The following ANKRD12 variants were observed in gnomAD, a reference collection of about 807,000 sequenced individuals.
The protein encoded by ANKRD12 is ankyrin repeat domain 12, also known as ankyrin repeat domain-containing protein 12.
ANKRD12 carries 85 observed loss-of-function variants against 183.4 expected under a neutral mutation model. That is an observed-to-expected ratio of 0.46 (90% CI 0.39 to 0.56). The LOEUF (loss-of-function observed/expected upper bound fraction) is 0.56. ANKRD12 is among the 20% of genes least tolerant of loss of function. ANKRD12 has a pLI of 0.00. For synonymous variants in ANKRD12, 914 were observed against 800.2 expected (o/e 1.14, Z -2.40); for missense variants, 2,405 against 2,357.1 (o/e 1.02, Z -0.42).
At chr18:9,275,451 C>G in intron 10 of ANKRD12, 73 bp from the exon 11 acceptor site, 3 of 1,402,546 alleles carry the variant, frequency 2.1e-6, no homozygotes, top group Non-Finnish European at 2.9e-6. Flanking sequence ...CCAGCCTAGG[C>G]GAGAGAGTAA....
intron 7 of ANKRD12, among the ~76,000 whole-genome samples, chr18:9,219,732 T>TA (rs2036308382): frequency 7.1e-6 from 1 of 140,392 alleles, no homozygotes; most frequent in Non-Finnish European, 1.5e-5. Context: ...ACCAGAGCCA[T>TA]ACAACACAGA....
intron 1 of ANKRD12, among the ~76,000 whole-genome samples, chr18:9,143,326 CTTGA>C (rs749428220): frequency 4.6e-5 from 7 of 152,120 alleles, no homozygotes; most frequent in African/African-American, 1.2e-4. Flanking sequence ...GAAATTTTTT[CTTGA>C]TTAAGATCAG....
At chr18:9,271,754 T>A (rs1302383322) in intron 10 of ANKRD12, among the ~76,000 whole-genome samples, 1 of 152,224 alleles carries the variant, frequency 6.6e-6, no homozygotes, top group Non-Finnish European at 1.5e-5. Context: ...TTTCTATGAA[T>A]GACAAAGCTG....
At chr18:9,186,097 G>A (rs141105832) in intron 2 of ANKRD12, among the ~76,000 whole-genome samples, 108 of 150,798 alleles carry the variant, frequency 7.2e-4, no homozygotes, top group Non-Finnish European at 1.0e-3. Context: ...AAGTTGTCAC[G>A]AAATAAGTAG....
At chr18:9,137,257 C>T (rs2078137845) in intron 1 of ANKRD12, among the ~76,000 whole-genome samples, 1 of 147,556 alleles carries the variant, frequency 6.8e-6, no homozygotes, top group Non-Finnish European at 1.5e-5. Flanking sequence ...CGCGAGGAGC[C>T]GCGGCGCAGG....
In ANKRD12 at chr18:9,257,008, A is replaced by T; in HGVS notation, c.3741A>T (p.Ser1247=). The stretch of plus-strand genomic sequence containing the variant: ...AATCCCAAATGTCCTTTTCCCAGTC[A>T]CCTTTTTTGTCAATTGCCAAATCTC... The part of the protein sequence containing the change: ...SSESQMSFSQ[S]PFLSIAKSPA... Residue 1247 remains serine, a synonymous_variant, in exon 9 of 13, where the codon TCA becomes TCT. Transcript: ENST00000262126. 1 of 1,613,928 alleles carries T rather than the reference A, an allele frequency of 6.2e-7. No homozygotes were observed. The highest frequency in any genetic ancestry group is 1.7e-5 in the Admixed American group (1 of 59,998).
intron 8 of ANKRD12, among the ~76,000 whole-genome samples, chr18:9,241,221 A>G (rs1392998071): frequency 1.3e-5 from 2 of 152,174 alleles, no homozygotes; most frequent in Non-Finnish European, 1.5e-5. Context: ...ATGTCCAAAT[A>G]TATATATCAA....
intron 1 of ANKRD12, among the ~76,000 whole-genome samples, chr18:9,175,566 C>CA (rs1175363099): frequency 9.8e-6 from 1 of 101,948 alleles, no homozygotes; most frequent in Admixed American, 1.6e-4. Context: ...CAGTCTCTGT[C>CA]ATGCAGGCTG....
In ANKRD12 at chr18:9,257,165, G is replaced by A. The variant is rs1339495856; in HGVS notation, c.3898G>A (p.Glu1300Lys). ...SVEDVKLIIS[E>K]GRPTIEVRRC... ...AGAAGATGTTAAACTAATTATAAGC[G>A]AGGGGAGACCTACCATAGAAGTTCG... is the stretch of plus-strand genomic sequence containing the variant. Residue 1300 changes from glutamate to lysine, a missense_variant, in exon 9 of 13, where the codon GAG becomes AAG. By Grantham distance (56) the Glu-to-Lys change is moderately conservative (BLOSUM62 1). This residue lies in a region of ANKRD12 where 1,983 missense variants were observed against 1,725.9 expected (regional missense o/e 1.15). Transcript: ENST00000262126. 13 of 1,613,946 alleles carry A rather than the reference G, an allele frequency of 8.1e-6. No individual in the cohort carries two copies. Among genetic ancestry groups the A allele is most frequent in the Admixed American group, 1.7e-5 (1 of 59,966 alleles).
chr18:9,157,198 C>T (rs1304639724), intron 1 of ANKRD12, among the ~76,000 whole-genome samples: 1 of 152,152 alleles, frequency 6.6e-6, no homozygotes, highest in African/African-American at 2.4e-5. Context: ...GTCTACTGAA[C>T]ATCATAGCTT....
intron 11 of ANKRD12, among the ~76,000 whole-genome samples, chr18:9,276,722 CA>C (rs372456702): frequency 3.5e-5 from 5 of 144,530 alleles, no homozygotes; most frequent in African/African-American, 7.6e-5. Context: ...CAAAAAAAAA[CA>C]AAAAAAAAAC....
chr18:9,189,705 C>G (rs1386759915), intron 2 of ANKRD12, among the ~76,000 whole-genome samples: 1 of 152,144 alleles, frequency 6.6e-6, no homozygotes, highest in Non-Finnish European at 1.5e-5. Context: ...AAAAACAGTG[C>G]CTAATGACAG....
intron 10 of ANKRD12, among the ~76,000 whole-genome samples, chr18:9,271,322 G>A (rs1194233560): frequency 7.9e-5 from 12 of 152,128 alleles, no homozygotes; most frequent in Admixed American, 5.2e-4. Flanking sequence ...TGAGGAGATC[G>A]AGACCATCCT....
chr18:9,258,679 A>G lies in ANKRD12; in HGVS notation c.5412A>G (p.Gln1804=), dbSNP rs771319876. The G allele has an allele frequency of 2.5e-6, 4 of 1,613,956 alleles. No homozygotes were observed. In the South Asian group the frequency reaches 4.4e-5, roughly 18 times the overall value. The change falls in exon 9 of 13, where the codon CAA becomes CAG. Residue 1804 remains glutamine (Q), a synonymous_variant. Transcript: ENST00000262126. ...QPVQVSPSLL[Q]AKEKTQQSLA... ...TGCAAGTGAGTCCCTCTTTACTACA[A>G]GCAAAAGAGAAAACTCAGCAATCTC... is the stretch of plus-strand genomic sequence containing the variant.
At chr18:9,202,647 A>G (rs915383752) in intron 3 of ANKRD12, among the ~76,000 whole-genome samples, 14 of 152,334 alleles carry the variant, frequency 9.2e-5, no homozygotes, top group African/African-American at 3.4e-4. Context: ...TACAAGGAAC[A>G]TATGTGGGAG....
intron 2 of ANKRD12, among the ~76,000 whole-genome samples, chr18:9,188,164 ATTGT>A (rs1476899466): frequency 1.3e-5 from 2 of 152,214 alleles, no homozygotes; most frequent in Non-Finnish European, 2.9e-5. Flanking sequence ...CCAGAGTATC[ATTGT>A]TTGTGCCTGT....
intron 1 of ANKRD12, among the ~76,000 whole-genome samples, chr18:9,167,707 A>G (rs1027475408): frequency 6.6e-6 from 1 of 152,088 alleles, no homozygotes; most frequent in African/African-American, 2.4e-5. Context: ...AATACCCTTT[A>G]TTTCCTTCTC....
chr18:9,247,861 G>A (rs2145086273), intron 8 of ANKRD12, among the ~76,000 whole-genome samples: 1 of 152,050 alleles, frequency 6.6e-6, no homozygotes, highest in South Asian at 2.1e-4. Flanking sequence ...GGAGTGCAAT[G>A]GTGCAACTTC....
chr18:9,211,557 T>G, intron 5 of ANKRD12, 27 bp from the exon 6 acceptor site: 2 of 1,598,118 alleles, frequency 1.3e-6, no homozygotes, highest in Non-Finnish European at 1.7e-6. Flanking sequence ...AGCCTAGAAC[T>G]TCTGCTAACT....
Sources: gnomAD v4.1 joint callset for allele counts (sites outside exome capture counted in the v4.1 genomes callset) on GRCh38, gnomAD v4.1.1 for gene constraint, gnomAD v4.1.1 regional missense constraint, MANE v1.5 for transcripts, NCBI Gene and HGNC (gene_info 2026-07-23, HGNC 2026-07-21) for gene names.